PIK3R1: variants seen among roughly 807,000 people sequenced by gnomAD.
PIK3R1 encodes phosphoinositide-3-kinase regulatory subunit 1.
Under a neutral mutation model 98.0 loss-of-function variants are expected in PIK3R1, and 29 were observed. The ratio of observed to expected loss-of-function variants is 0.30; its 90% CI spans 0.22 to 0.40. The LOEUF (loss-of-function observed/expected upper bound fraction) is 0.40. Ranked by LOEUF, PIK3R1 falls within the 10% of genes least tolerant of loss-of-function variation. The pLI, the probability that PIK3R1 is intolerant of heterozygous loss-of-function variation, is 1.00. For synonymous variants in PIK3R1, 282 were observed against 311.8 expected (o/e 0.90, Z 1.01); for missense variants, 596 against 872.7 (o/e 0.68, Z 3.99).
Position 68,299,721 on chromosome 5 carries a change from C to CAA in PIK3R1, c.*2120_*2121insAA. On this transcript the variant is annotated 3_prime_UTR_variant, in exon 16 of 16. Transcript: ENST00000521381. ...TGTTACTTTGTTTTTTAATGTTGTT[C>CAA]CTTTTGAAAGAATCAGTCTTGCAGC... 4.3e-6 allele frequency: 1 copy of CAA among 233,094 alleles called. No individual in the cohort carries two copies. The highest frequency in any genetic ancestry group is 6.0e-5 in the East Asian group (1 of 16,558). The allele number at this position is 233,094 out of a possible 1,614,324, so 14.4% of individuals were successfully genotyped here.
intron 14 of PIK3R1, chr5:68,295,868 A>C (rs879186846): frequency 4.3e-6 from 2 of 461,272 alleles, no homozygotes; most frequent in Admixed American, 3.8e-5. Flanking sequence ...CAATTTCCTG[A>C]TCTAAACTGG....
At chr5:68,288,477 C>G (rs932892436) in intron 7 of PIK3R1, 10 of 1,306,768 alleles carry the variant, frequency 7.7e-6, no homozygotes, top group Admixed American at 4.2e-5. Flanking sequence ...GGCGGTGGCC[C>G]GGACGCACTG....
intron 10 of PIK3R1, 28 bp downstream of exon 10, chr5:68,293,511 T>A (rs1275094643): frequency 6.5e-7 from 1 of 1,529,940 alleles, no homozygotes; most frequent in South Asian, 1.1e-5. Flanking sequence ...AATTATCCAG[T>A]TACGATGTTT....
chr5:68,224,349 G>A (rs1744202094), intron 1 of PIK3R1, among the ~76,000 whole-genome samples: 1 of 152,144 alleles, frequency 6.6e-6, no homozygotes, highest in Non-Finnish European at 1.5e-5. Flanking sequence ...TTATTTTTCT[G>A]ATATGCTCTA....
chr5:68,290,789 A>C, intron 7 of PIK3R1: 1 of 1,613,548 alleles, frequency 6.2e-7, no homozygotes, highest in African/African-American at 1.3e-5. Context: ...GACAGATATA[A>C]ATTGTGGCAC....
At chr5:68,237,592 A>T (rs1010958484) in intron 2 of PIK3R1, among the ~76,000 whole-genome samples, 63 of 103,750 alleles carry the variant, frequency 6.1e-4, no homozygotes, top group African/African-American at 2.6e-3. Context: ...TTATTTTCCC[A>T]TTGAAAAAAA....
At chr5:68,296,134 A>G (rs200378855) in intron 14 of PIK3R1, 37 bp from the exon 15 acceptor site, 2 of 1,607,078 alleles carry the variant, frequency 1.2e-6, no homozygotes, top group Non-Finnish European at 8.5e-7. Context: ...TGGCTCCTGC[A>G]CTCTTCATTT....
chr5:68,265,437 A>G (rs116159909), intron 2 of PIK3R1, among the ~76,000 whole-genome samples: 157 of 152,222 alleles, frequency 1.0e-3, no homozygotes, highest in African/African-American at 3.4e-3. Context: ...TTAGAAATCT[A>G]TTTCTCACAG....
chr5:68,285,556 A>G (rs1205262718), intron 7 of PIK3R1, among the ~76,000 whole-genome samples: 1 of 152,236 alleles, frequency 6.6e-6, no homozygotes, highest in Non-Finnish European at 1.5e-5. Context: ...TTGTCAAACA[A>G]TAGTTTTATT....
chr5:68,264,053 TAA>T (rs1217342242), intron 2 of PIK3R1, among the ~76,000 whole-genome samples: 2 of 152,220 alleles, frequency 1.3e-5, no homozygotes, highest in Non-Finnish European at 2.9e-5. Context: ...CTAAAAGTGA[TAA>T]GTTAGCCAGC....
intron 2 of PIK3R1, among the ~76,000 whole-genome samples, chr5:68,242,007 G>C (rs914090912): frequency 2.8e-4 from 43 of 152,294 alleles, no homozygotes; most frequent in African/African-American, 1.0e-3. Context: ...ATGACAATTT[G>C]CACACACATT....
intron 2 of PIK3R1, among the ~76,000 whole-genome samples, chr5:68,227,886 A>G (rs1318594577): frequency 6.6e-6 from 1 of 152,128 alleles, no homozygotes; most frequent in Non-Finnish European, 1.5e-5. Flanking sequence ...AAAACCACTT[A>G]TTGCTTATTG....
At chr5:68,236,442 G>C (rs1350729002) in intron 2 of PIK3R1, among the ~76,000 whole-genome samples, 1 of 151,026 alleles carries the variant, frequency 6.6e-6, no homozygotes, top group African/African-American at 2.4e-5. Context: ...GTAGAGACGG[G>C]GTTTCACTGT....
chr5:68,231,269 A>G (rs1266910129), intron 2 of PIK3R1, among the ~76,000 whole-genome samples: 1 of 152,196 alleles, frequency 6.6e-6, no homozygotes, highest in Non-Finnish European at 1.5e-5. Context: ...GAAACCTGCT[A>G]ACACAAGAGA....
Position 68,216,199 on chromosome 5 carries a change from C to T in PIK3R1, c.-387+250C>T, listed in dbSNP as rs147440621. Among the ~76,000 whole-genome samples, 727 of 152,300 alleles carry T rather than the reference C, an allele frequency of 4.8e-3. 6 individuals carry two copies. The highest frequency in any genetic ancestry group is 8.3e-3 in the Non-Finnish European group (562 of 68,000). Reference sequence around the variant, plus strand: ...CCATCCTGACTCCCGTTTCCCCCGTCCTCCTGCGAGCTGGTCCTGCACGCC... The same window carrying T: ...CCATCCTGACTCCCGTTTCCCCCGTTCTCCTGCGAGCTGGTCCTGCACGCC... On this transcript the variant is annotated intron_variant, in intron 1 of 15. Coordinates refer to ENST00000521381, the MANE Select transcript of PIK3R1 (RefSeq NM_181523.3).
intron 2 of PIK3R1, among the ~76,000 whole-genome samples, chr5:68,250,389 C>T (rs1282496641): frequency 2.6e-5 from 4 of 152,206 alleles, no homozygotes; most frequent in Admixed American, 1.3e-4. Context: ...TCCCCAGCTC[C>T]GTCAGCTCCT....
chr5:68,254,931 A>G (rs1230018927), intron 2 of PIK3R1, among the ~76,000 whole-genome samples: 1 of 152,130 alleles, frequency 6.6e-6, no homozygotes, highest in Non-Finnish European at 1.5e-5. Context: ...TCCACTGAGT[A>G]ACCTCCAAAT....
chr5:68,218,520 G>C (rs957658565), intron 1 of PIK3R1, among the ~76,000 whole-genome samples: 2 of 152,068 alleles, frequency 1.3e-5, no homozygotes, highest in African/African-American at 4.8e-5. Context: ...AACAATTCTA[G>C]TTCAGCTTTT....
intron 2 of PIK3R1, among the ~76,000 whole-genome samples, chr5:68,243,620 G>A (rs1056754548): frequency 1.1e-4 from 16 of 152,188 alleles, no homozygotes; most frequent in Admixed American, 2.6e-4. Context: ...AAGTTTATCC[G>A]TTGCCACCTT....
Sources: gnomAD v4.1 joint callset for allele counts (sites outside exome capture counted in the v4.1 genomes callset) on GRCh38, gnomAD v4.1.1 for gene constraint, MANE v1.5 for transcripts, NCBI Gene and HGNC (gene_info 2026-07-23, HGNC 2026-07-21) for gene names.